Variants in FAT3 observed in about 807,000 individuals in gnomAD.
FAT3 encodes the protein FAT atypical cadherin 3, also known as protocadherin Fat 3.
FAT3 carries 95 observed loss-of-function variants against 310.2 expected under a neutral mutation model. The ratio of observed to expected loss-of-function variants is 0.31; its 90% CI spans 0.26 to 0.36. FAT3 has a LOEUF of 0.36. Ranked by LOEUF, FAT3 falls within the 10% of genes least tolerant of loss-of-function variation. The pLI, the probability that FAT3 is intolerant of heterozygous loss-of-function variation, is 1.00. For synonymous variants in FAT3, 2,314 were observed against 2,192.9 expected, an observed-to-expected ratio of 1.06 and a Z score of -1.54; for missense variants, 5,408 against 5,715.6, an observed-to-expected ratio of 0.95 and a Z score of 1.74.
chr11:92,350,503 T>G (rs1239344846), intron 1 of FAT3, among the ~76,000 whole-genome samples: 1 of 152,158 alleles, frequency 6.6e-6, no homozygotes, highest in Non-Finnish European at 1.5e-5. Flanking sequence ...TTAAATTATG[T>G]CATATATGCT....
chr11:92,439,028 C>T (rs1300064903), intron 2 of FAT3, among the ~76,000 whole-genome samples: 1 of 152,176 alleles, frequency 6.6e-6, no homozygotes, highest in Non-Finnish European at 1.5e-5. Flanking sequence ...GGAAAACATA[C>T]AGGCAGAAAT....
chr11:92,351,397 G>C (rs571551343), intron 1 of FAT3, among the ~76,000 whole-genome samples: 91 of 152,244 alleles, frequency 6.0e-4, no homozygotes, highest in African/African-American at 2.1e-3. Flanking sequence ...TTGAAGAAAA[G>C]TTAGAAAATG....
intron 23 of FAT3, among the ~76,000 whole-genome samples, 154 bp from the exon 24 acceptor site, chr11:92,882,584 C>CA: frequency 1.1e-5 from 1 of 95,230 alleles, no homozygotes; most frequent in Non-Finnish European, 2.2e-5. Context: ...TTAACTCCCC[C>CA]TCCCCCCCCC....
chr11:92,852,423 G>A (rs1288175684), intron 19 of FAT3, among the ~76,000 whole-genome samples: 1 of 152,160 alleles, frequency 6.6e-6, no homozygotes, highest in African/African-American at 2.4e-5. Flanking sequence ...CCACAAGAGA[G>A]TGGGCCCATG....
intron 13 of FAT3, 43 bp downstream of exon 13, chr11:92,810,119 T>G: frequency 1.9e-6 from 3 of 1,548,710 alleles, no homozygotes; most frequent in Non-Finnish European, 2.7e-6. Context: ...AGTGGACACT[T>G]TGTCTTCAGG....
chr11:92,536,848 T>C (rs1214913468), intron 3 of FAT3, among the ~76,000 whole-genome samples: 1 of 152,180 alleles, frequency 6.6e-6, no homozygotes, highest in Non-Finnish European at 1.5e-5. Context: ...CCTCTCTCCT[T>C]GTCTTCAATA....
chr11:92,590,012 T>G (rs1939347751), intron 3 of FAT3, among the ~76,000 whole-genome samples: 1 of 152,126 alleles, frequency 6.6e-6, no homozygotes, highest in South Asian at 2.1e-4. Flanking sequence ...ATTTCTCTCC[T>G]TATAGAACTT....
chr11:92,364,809 C>T (rs946511666), intron 2 of FAT3, among the ~76,000 whole-genome samples: 8 of 152,096 alleles, frequency 5.3e-5, no homozygotes, highest in African/African-American at 1.9e-4. Flanking sequence ...CTCCTCTGGG[C>T]CACTCTTTGT....
Position 92,866,983 on chromosome 11 carries a change from C to T in FAT3, c.11901C>T (p.Ile3967=), listed in dbSNP as rs2136350088. Residue 3967 remains isoleucine, a synonymous_variant, in exon 22 of 28, where the codon ATC becomes ATT. Coordinates refer to ENST00000525166, the MANE Select transcript of FAT3 (RefSeq NM_001367949.2). ...GCGCCCTGGTGCAAGCGGATAACAT[C>T]CGCAGCCTGACTGACACGCGGGTCA... is the stretch of plus-strand genomic sequence containing the variant. ...YFGALVQADN[I]RSLTDTRVTQ... 2 of 1,611,574 alleles carry T rather than the reference C, an allele frequency of 1.2e-6. No homozygotes were observed. The highest frequency in any genetic ancestry group is 1.7e-6 in the Non-Finnish European group (2 of 1,179,006).
intron 2 of FAT3, among the ~76,000 whole-genome samples, chr11:92,452,482 C>T (rs1301736918): frequency 6.6e-6 from 1 of 152,032 alleles, no homozygotes; most frequent in East Asian, 1.9e-4. Context: ...TGTCTTGCCA[C>T]TGGGGAGGGG....
chr11:92,563,384 G>C (rs767992893), intron 3 of FAT3, among the ~76,000 whole-genome samples: 1 of 152,120 alleles, frequency 6.6e-6, no homozygotes, highest in Non-Finnish European at 1.5e-5. Flanking sequence ...AAAACATTTT[G>C]AGCAGGCATT....
chr11:92,399,566 A>C (rs773412779), intron 2 of FAT3, among the ~76,000 whole-genome samples: 8 of 152,190 alleles, frequency 5.3e-5, no homozygotes, highest in Non-Finnish European at 1.0e-4. Context: ...TTGGGGAACA[A>C]ACTCAGTTGA....
At chr11:92,520,960 C>T (rs1409777125) in intron 2 of FAT3, among the ~76,000 whole-genome samples, 1 of 152,054 alleles carries the variant, frequency 6.6e-6, no homozygotes, top group African/African-American at 2.4e-5. Flanking sequence ...TAAAATCCCA[C>T]CCTTGTATTT....
chr11:92,663,137 C>T (rs1942842868), intron 3 of FAT3, among the ~76,000 whole-genome samples: 1 of 152,160 alleles, frequency 6.6e-6, no homozygotes, highest in South Asian at 2.1e-4. Flanking sequence ...ACTTTAAGGC[C>T]AAGCTAGTTG....
chr11:92,757,367 T>A (rs1351940154), intron 4 of FAT3, among the ~76,000 whole-genome samples: 1 of 152,208 alleles, frequency 6.6e-6, no homozygotes, highest in African/African-American at 2.4e-5. Context: ...TCTGTTCTTT[T>A]GTGAGGCTGT....
chr11:92,739,725 C>T (rs1159296604), intron 4 of FAT3, among the ~76,000 whole-genome samples: 1 of 152,168 alleles, frequency 6.6e-6, no homozygotes, highest in African/African-American at 2.4e-5. Context: ...CGTGAGTGTG[C>T]ACTGTGGTGT....
chr11:92,815,986 A>T (rs1947816238), intron 13 of FAT3, among the ~76,000 whole-genome samples: 3 of 152,216 alleles, frequency 2.0e-5, no homozygotes. Flanking sequence ...TTTTGTAAGG[A>T]TTGGTCAGAT....
chr11:92,862,734 C>G (rs1338993873), intron 21 of FAT3, among the ~76,000 whole-genome samples: 1 of 152,174 alleles, frequency 6.6e-6, no homozygotes, highest in Non-Finnish European at 1.5e-5. Flanking sequence ...AATAAGTTAA[C>G]CTTAATTACA....
intron 6 of FAT3, among the ~76,000 whole-genome samples, chr11:92,769,055 C>A (rs1051434127): frequency 2.3e-4 from 35 of 152,202 alleles, no homozygotes; most frequent in African/African-American, 8.0e-4. Flanking sequence ...TGCTTAACTG[C>A]ATTTCTTTGT....
Sources: allele counts gnomAD v4.1 joint callset (sites outside exome capture counted in the v4.1 genomes callset), GRCh38; gene constraint gnomAD v4.1.1; transcripts MANE v1.5; gene names NCBI Gene and HGNC (gene_info 2026-07-23, HGNC 2026-07-21).